Variants in PARN observed in about 807,000 individuals in gnomAD.
PARN encodes the protein poly(A)-specific ribonuclease PARN.
PARN carries 71 observed loss-of-function variants against 102.8 expected under a neutral mutation model. The observed-to-expected ratio is 0.69, with a 90% CI of 0.57 to 0.84. The LOEUF (loss-of-function observed/expected upper bound fraction) is 0.84, where lower values mean the gene tolerates loss of function less well. PARN is among the 40% of genes least tolerant of loss of function. The pLI, the probability that PARN is intolerant of heterozygous loss-of-function variation, is 0.00. For missense variants in PARN, 782 were observed against 760.9 expected (o/e 1.03, Z -0.33); for synonymous variants, 261 against 252.9 (o/e 1.03, Z -0.30).
intron 12 of PARN, among the ~76,000 whole-genome samples, chr16:14,596,181 C>T (rs1356272256): frequency 1.3e-5 from 2 of 152,012 alleles, no homozygotes; most frequent in South Asian, 2.1e-4. Flanking sequence ...ACCAGAGCTC[C>T]GTGGAGAAGT....
rs185542706 is a variant in PARN, at chr16:14,479,935, A to G, written c.1670+2703T>C. ...AACCTTCTACCAAAAAAAAAAAAAA[A>G]AGAGACAATCACTGCAACCTTAGGG... On this transcript the variant is annotated intron_variant, in intron 22 of 23. Transcript: ENST00000437198. Among the ~76,000 whole-genome samples, 320 of 152,004 alleles carry G rather than the reference A, an allele frequency of 2.1e-3. 1 individual carries two copies. Among genetic ancestry groups the G allele is most frequent in the Non-Finnish European group, 3.3e-3 (225 of 67,960 alleles).
At chr16:14,456,146 T>C (rs1244635015) in intron 22 of PARN, among the ~76,000 whole-genome samples, 1 of 152,082 alleles carries the variant, frequency 6.6e-6, no homozygotes, top group African/African-American at 2.4e-5. Context: ...CACACTGTAC[T>C]ACTACAGTTT....
intron 1 of PARN, 50 bp from the exon 2 acceptor site, chr16:14,629,724 T>G (rs1461724268): frequency 7.2e-7 from 1 of 1,389,550 alleles, no homozygotes; most frequent in South Asian, 1.2e-5. Context: ...GAATTCCTGC[T>G]AAGGGGAGAG....
chr16:14,490,635 G>C (rs1964009233), intron 21 of PARN, among the ~76,000 whole-genome samples: 1 of 152,140 alleles, frequency 6.6e-6, no homozygotes, highest in Non-Finnish European at 1.5e-5. Context: ...CACCCTTTAA[G>C]ATGGCCTCTC....
Position 14,617,591 on chromosome 16 carries a change from A to T in PARN, c.387T>A (p.Asn129Lys). The change falls in exon 6 of 24, where the codon AAT becomes AAA. Residue 129 changes from asparagine (N) to lysine (K), a missense_variant and splice_region_variant. Asn to Lys is a moderately conservative substitution (Grantham distance 94). Coordinates refer to ENST00000437198, the MANE Select transcript of PARN (RefSeq NM_002582.4). ...QGFDFNKVFR[N>K]GIPYLNQEEE... ...AAGATAGGTTACCCATAATCTTACC[A>T]TTTCGAAAAACTTTATTAAAATCAA... 1 of 1,492,906 alleles carries T rather than the reference A, an allele frequency of 6.7e-7. No homozygotes were observed. Among genetic ancestry groups the T allele is most frequent in the East Asian group, 2.3e-5 (1 of 44,354 alleles). 92.5% of individuals were successfully genotyped at this position (1,492,906 alleles called of 1,614,324 possible).
intron 9 of PARN, among the ~76,000 whole-genome samples, chr16:14,607,486 G>A (rs1971265201): frequency 6.6e-6 from 1 of 152,200 alleles, no homozygotes; most frequent in African/African-American, 2.4e-5. Context: ...AGGATTACAG[G>A]AGTGAGCCAC....
intron 20 of PARN, among the ~76,000 whole-genome samples, chr16:14,553,110 TTA>T (rs1491580010): frequency 6.7e-6 from 1 of 149,926 alleles, no homozygotes; most frequent in East Asian, 2.0e-4. Flanking sequence ...AAATATCAAT[TTA>T]AAAAAAAAGA....
chr16:14,517,252 G>T (rs887958887), intron 21 of PARN, among the ~76,000 whole-genome samples: 2 of 152,202 alleles, frequency 1.3e-5, no homozygotes, highest in Non-Finnish European at 2.9e-5. Context: ...TTGGCTGAAG[G>T]TATATTAACA....
At chr16:14,488,913 A>C (rs987765115) in intron 21 of PARN, among the ~76,000 whole-genome samples, 2 of 152,162 alleles carry the variant, frequency 1.3e-5, no homozygotes, top group African/African-American at 4.8e-5. Context: ...AAGAAAGAGA[A>C]AGAGGGCTCC....
intron 10 of PARN, among the ~76,000 whole-genome samples, chr16:14,604,745 A>T (rs748386977): frequency 4.6e-5 from 7 of 152,024 alleles, no homozygotes; most frequent in Non-Finnish European, 1.0e-4. Flanking sequence ...CCTCCAGAGT[A>T]GCCAAGATTA....
chr16:14,447,169 A>G, intron 22 of PARN, 88 bp from the exon 23 acceptor site: 3 of 808,266 alleles, frequency 3.7e-6, no homozygotes, highest in Non-Finnish European at 5.5e-6. Context: ...TCTTAATTCT[A>G]TTAACACTCA....
intron 18 of PARN, among the ~76,000 whole-genome samples, chr16:14,559,985 T>C (rs1164280191): frequency 1.3e-5 from 2 of 152,226 alleles, no homozygotes; most frequent in African/African-American, 4.8e-5. Flanking sequence ...ACCGTCCTTA[T>C]GCCATGCTGT....
rs541843858 is a variant in PARN at position 14,619,746 on chromosome 16, G to A, written c.328-2096C>T. Among the ~76,000 whole-genome samples, 7 of 151,800 alleles carry A rather than the reference G, an allele frequency of 4.6e-5. No individual in the cohort carries two copies. The South Asian group carries it at 1.2e-3, about 27-fold the overall frequency. On this transcript the variant is annotated intron_variant, in intron 5 of 23. Transcript: ENST00000437198. Reference sequence around the variant, plus strand: ...ATCACACCGCTGGACTCCAGCGTGGGTGACAGAACAAGTCTCTGCCTCTTA... The same window carrying A: ...ATCACACCGCTGGACTCCAGCGTGGATGACAGAACAAGTCTCTGCCTCTTA...
chr16:14,563,733 C>T (rs1009155120), intron 18 of PARN, among the ~76,000 whole-genome samples: 2 of 148,102 alleles, frequency 1.4e-5, no homozygotes, highest in African/African-American at 5.0e-5. Flanking sequence ...AATTATATAA[C>T]TAGTATAATC....
chr16:14,593,656 C>G (rs964105488), intron 12 of PARN, among the ~76,000 whole-genome samples: 1 of 151,786 alleles, frequency 6.6e-6, no homozygotes. Flanking sequence ...ATTATGCCAC[C>G]CTCATGAATC....
chr16:14,563,340 CA>C (rs1968194776), intron 18 of PARN, among the ~76,000 whole-genome samples: 1 of 152,126 alleles, frequency 6.6e-6, no homozygotes, highest in South Asian at 2.1e-4. Context: ...CAGTGCAGTG[CA>C]AGGCAAGCAT....
intron 21 of PARN, among the ~76,000 whole-genome samples, chr16:14,496,394 G>C (rs1246912333): frequency 3.3e-5 from 5 of 152,066 alleles, no homozygotes; most frequent in Admixed American, 6.6e-5. Context: ...AAGCAGATGG[G>C]AGTTTGGCAA....
chr16:14,465,470 TGTTATTAACACTAATAGCACAAAG>T (rs1206327626), intron 22 of PARN, among the ~76,000 whole-genome samples: 1 of 152,220 alleles, frequency 6.6e-6, no homozygotes, highest in Admixed American at 6.5e-5. Context: ...AACATATAAA[TGTTATTAACACTAATAGCACAAAG>T]GTTGGGAGCT....
chr16:14,627,345 G>C lies in PARN; in HGVS notation c.178-9C>G. ...AAAAAGTCCATGGAATGCTGGAAAA[G>C]GGAAATAAAACATCTGTCACAAAAG... On this transcript the variant is annotated splice_polypyrimidine_tract_variant and intron_variant, in intron 3 of 23. Transcript: ENST00000437198. 6.3e-6 allele frequency: 10 copies of C among 1,575,074 alleles called. No homozygotes were observed. The highest frequency in any genetic ancestry group is 8.6e-6 in the Non-Finnish European group (10 of 1,158,388).
Sources: gnomAD v4.1 joint callset for allele counts (sites outside exome capture counted in the v4.1 genomes callset) on GRCh38, gnomAD v4.1.1 for gene constraint, MANE v1.5 for transcripts, NCBI Gene and HGNC (gene_info 2026-07-23, HGNC 2026-07-21) for gene names.